The following IPO9 variants were observed in gnomAD, a reference collection of about 807,000 sequenced individuals.
IPO9 encodes the protein importin-9.
IPO9 carries 28 observed loss-of-function variants against 128.6 expected under a neutral mutation model. The ratio of observed to expected loss-of-function variants is 0.22; its 90% CI spans 0.16 to 0.30. The LOEUF is 0.30. IPO9 is among the 10% of genes least tolerant of loss of function. The probability of loss-of-function intolerance (pLI) is 1.00; values close to 1 mark genes in which losing one functional copy is unlikely to be tolerated. For synonymous variants in IPO9, 455 were observed against 475.8 expected (o/e 0.96, Z 0.57); for missense variants, 935 against 1,293.9 (o/e 0.72, Z 4.26).
rs1571558173 is a variant in IPO9, at chr1:201,874,453, T to C, written c.2833+81T>C. 10 of 1,518,974 alleles carry C rather than the reference T, an allele frequency of 6.6e-6. No homozygotes were observed. The East Asian group carries it at 2.3e-4, about 35-fold the overall frequency. 94.1% of individuals were successfully genotyped at this position (1,518,974 alleles called of 1,614,324 possible). ...TTGTCAAATTATCAACTTGGTTTGT[T>C]GAGTCACTAATTGAAAAAAAAAGTT... On this transcript the variant is annotated intron_variant, in intron 21 of 23. Coordinates refer to ENST00000361565, the MANE Select transcript of IPO9 (RefSeq NM_018085.5).
At chr1:201,869,491 C>A in intron 16 of IPO9, 99 bp from the exon 17 acceptor site, 1 of 1,405,182 alleles carries the variant, frequency 7.1e-7, no homozygotes, top group Non-Finnish European at 9.7e-7. Context: ...TAAGCTTTCT[C>A]TGGGTTGCTA....
chr1:201,865,199 C>CTTTTTTTTTTT (rs201084995), intron 14 of IPO9, among the ~76,000 whole-genome samples: 18 of 132,850 alleles, frequency 1.4e-4, no homozygotes, highest in South Asian at 2.3e-4. Context: ...AACTATTTTT[C>CTTTTTTTTTTT]TTTTTTTTTT....
At chr1:201,859,180 A>AATAAATATATATACATATAT (rs371428335) in intron 13 of IPO9, among the ~76,000 whole-genome samples, 186 bp downstream of exon 13, 1 of 83,478 alleles carries the variant, frequency 1.2e-5, no homozygotes, top group Non-Finnish European at 2.5e-5. Flanking sequence ...CTCAAAGTAT[A>AATAAATATATATACATATAT]ATATATATAT....
At chr1:201,868,582 T>A in intron 15 of IPO9, 66 bp from the exon 16 acceptor site, 1 of 1,535,866 alleles carries the variant, frequency 6.5e-7, no homozygotes, top group Non-Finnish European at 8.8e-7. Context: ...ACAACAGGCA[T>A]CATTAAGCGA....
chr1:201,850,889 T>G (rs1680202162), intron 4 of IPO9: 1 of 152,258 alleles, frequency 6.6e-6, no homozygotes, highest in Non-Finnish European at 1.5e-5. Context: ...GATCTTCATT[T>G]GACTCGTGGG....
intron 15 of IPO9, among the ~76,000 whole-genome samples, chr1:201,868,086 G>A (rs537260393): frequency 2.6e-5 from 4 of 152,258 alleles, no homozygotes; most frequent in Non-Finnish European, 4.4e-5. Flanking sequence ...AATAGAGGAG[G>A]ATGTTTTGTT....
At chr1:201,875,867 T>C (rs1680752764) in intron 23 of IPO9, 77 bp from the exon 24 acceptor site, 3 of 869,076 alleles carry the variant, frequency 3.5e-6, no homozygotes, top group Non-Finnish European at 5.8e-6. Flanking sequence ...CCTGTGCCAT[T>C]TGATTGTGGT....
rs1680907505 is a variant in IPO9 at position 201,882,505 on chromosome 1, A to G, written c.*6451A>G. ...TCCCTAATGGATGGTACAGGTCAAC[A>G]TTTGCCATCTAATGACACTTACATT... On this transcript the variant is annotated 3_prime_UTR_variant, in exon 24 of 24. Coordinates refer to ENST00000361565, the MANE Select transcript of IPO9 (RefSeq NM_018085.5). 4 of 151,704 alleles carry G rather than the reference A, an allele frequency of 2.6e-5. No individual in the cohort carries two copies. The highest frequency in any genetic ancestry group is 2.0e-4 in the Admixed American group (3 of 15,230). The allele number at this position is 151,704 out of a possible 1,614,324, so 9.4% of individuals were successfully genotyped here. A position where few individuals can be genotyped will look rare whatever the true frequency, so the allele number is the denominator to read the frequency against.
chr1:201,863,269 T>G (rs898024829), intron 13 of IPO9, 179 bp from the exon 14 acceptor site: 3 of 441,480 alleles, frequency 6.8e-6, no homozygotes, highest in Non-Finnish European at 1.2e-5. Context: ...GGACAGTTGC[T>G]TGAACCCGGG....
Position 201,847,349 on chromosome 1 carries a change from A to G in IPO9, c.225+9A>G. 6.2e-7 allele frequency: 1 copy of G among 1,611,240 alleles called. No homozygotes were observed. Among genetic ancestry groups the G allele is most frequent in the Non-Finnish European group, 8.5e-7 (1 of 1,178,082 alleles). ...CACTGGCAATCCGTCAGGTAAGTCCAGACTGGCCCAATTTATAAATAGTTT... is the reference window on the plus strand; with the variant it reads ...CACTGGCAATCCGTCAGGTAAGTCCGGACTGGCCCAATTTATAAATAGTTT... On this transcript the variant is annotated intron_variant, in intron 2 of 23. Coordinates refer to ENST00000361565, the MANE Select transcript of IPO9 (RefSeq NM_018085.5).
chr1:201,860,101 A>G (rs1271030912), intron 13 of IPO9, among the ~76,000 whole-genome samples: 1 of 152,162 alleles, frequency 6.6e-6, no homozygotes. Context: ...TTGGAGCCAG[A>G]TCACCATCCG....
intron 5 of IPO9, among the ~76,000 whole-genome samples, chr1:201,852,782 A>G (rs892196389): frequency 6.6e-6 from 1 of 152,182 alleles, no homozygotes; most frequent in Non-Finnish European, 1.5e-5. Context: ...AGGCCCTTAT[A>G]TAAGGTTCAT....
At position 201,858,914 on chromosome 1, in the gene IPO9, A is replaced by C. The variant is rs970624247; in HGVS notation, c.1388A>C (p.Asp463Ala). ...ALGSVKAIIT[D>A]SVKNGRIHFD... ...GGCTCAGTGAAGGCCATCATCACTG[A>C]CAGTGTGAAAAATGGCAGGATTCAT... The change falls in exon 13 of 24, where the codon GAC becomes GCC. Residue 463 changes from aspartate (D) to alanine (A), a missense_variant. Physicochemically the swap from Asp to Ala is moderately radical, Grantham distance 126. Around this residue, in one of 3 missense-constraint regions of IPO9, gnomAD observed 741 missense variants for 1,019.1 expected, o/e 0.73. Coordinates refer to ENST00000361565, the MANE Select transcript of IPO9 (RefSeq NM_018085.5). 4 of 1,612,162 alleles carry C rather than the reference A, an allele frequency of 2.5e-6. No homozygotes were observed. Among genetic ancestry groups the C allele is most frequent in the Non-Finnish European group, 2.5e-6 (3 of 1,178,530 alleles).
At chr1:201,866,646 A>T in intron 14 of IPO9, 87 bp from the exon 15 acceptor site, 1 of 1,011,176 alleles carries the variant, frequency 9.9e-7, no homozygotes, top group Non-Finnish European at 1.5e-6. Flanking sequence ...AAAGCTACAC[A>T]TACAAATGCT....
chr1:201,852,962 C>A, intron 5 of IPO9, 49 bp from the exon 6 acceptor site: 2 of 1,431,290 alleles, frequency 1.4e-6, no homozygotes, highest in Non-Finnish European at 2.0e-6. Flanking sequence ...CACATACCTA[C>A]ACACTCCAGT....
Position 201,882,626 on chromosome 1 carries a change from G to T in IPO9, c.*6572G>T, listed in dbSNP as rs1022457327. ...ATACTAGGGTTTTTAAACCTGTGTA[G>T]AATACATGATATGGTAGCAAATGTG... On this transcript the variant is annotated 3_prime_UTR_variant, in exon 24 of 24. Transcript: ENST00000361565. The T allele has an allele frequency of 6.6e-6, 1 of 152,060 alleles. No individual in the cohort carries two copies. Among genetic ancestry groups the T allele is most frequent in the Non-Finnish European group, 1.5e-5 (1 of 68,018 alleles). The allele number at this position is 152,060 out of a possible 1,614,324, so 9.4% of individuals were successfully genotyped here.
intron 1 of IPO9, among the ~76,000 whole-genome samples, chr1:201,844,328 A>T (rs1437899262): frequency 6.6e-6 from 1 of 152,178 alleles, no homozygotes; most frequent in Non-Finnish European, 1.5e-5. Flanking sequence ...AATCTAAAAC[A>T]TGAGGAAACT....
intron 13 of IPO9, among the ~76,000 whole-genome samples, chr1:201,860,027 A>G (rs1680413967): frequency 6.6e-6 from 1 of 151,816 alleles, no homozygotes. Flanking sequence ...GTAGCTGAGA[A>G]TCATTGTTGT....
chr1:201,865,503 C>T (rs938029111), intron 14 of IPO9, among the ~76,000 whole-genome samples: 12 of 152,138 alleles, frequency 7.9e-5, no homozygotes, highest in African/African-American at 2.7e-4. Flanking sequence ...CCACCGCGCC[C>T]GGCCTGCAGC....
Sources: allele counts gnomAD v4.1 joint callset (sites outside exome capture counted in the v4.1 genomes callset), GRCh38; gene constraint gnomAD v4.1.1; regional missense constraint gnomAD v4.1.1; transcripts MANE v1.5; gene names NCBI Gene and HGNC (gene_info 2026-07-23, HGNC 2026-07-21).